The following WDR93 variants were observed in gnomAD, a reference collection of about 807,000 sequenced individuals.
WDR93 encodes WD repeat-containing protein 93.
WDR93 carries 73 observed loss-of-function variants against 82.9 expected under a neutral mutation model. The ratio of observed to expected loss-of-function variants is 0.88; its 90% CI spans 0.73 to 1.07. The LOEUF is 1.07. Ranked by LOEUF, WDR93 falls within the 50% of genes least tolerant of loss-of-function variation. WDR93 has a pLI of 0.00. For synonymous variants in WDR93, 283 were observed against 300.1 expected (o/e 0.94, Z 0.59); for missense variants, 738 against 826.0 (o/e 0.89, Z 1.31).
At chr15:89,702,122 G>C in intron 2 of WDR93, 73 bp downstream of exon 2, 1 of 1,469,540 alleles carries the variant, frequency 6.8e-7, no homozygotes, top group Admixed American at 2.4e-5. Flanking sequence ...CCCTGATCCA[G>C]GAAGGAATTC....
At chr15:89,690,957 C>G (rs1964841428) in intron 1 of WDR93, 100 bp downstream of exon 1, 1 of 236,342 alleles carries the variant, frequency 4.2e-6, no homozygotes, top group African/African-American at 2.3e-5. Flanking sequence ...CTGAGGGGGT[C>G]CGTCTCCCCA....
chr15:89,700,165 C>T (rs536934773), intron 1 of WDR93, among the ~76,000 whole-genome samples: 14 of 152,270 alleles, frequency 9.2e-5, no homozygotes, highest in South Asian at 4.1e-4. Flanking sequence ...ATTTTTCCCA[C>T]GACCGAGGCA....
chr15:89,704,936 T>C (rs1291598817), intron 3 of WDR93: 2 of 152,864 alleles, frequency 1.3e-5, no homozygotes, highest in African/African-American at 4.8e-5. Context: ...CAGATGCCTT[T>C]ACAAGGTTAT....
At chr15:89,738,012 C>T (rs1339771604) in intron 15 of WDR93, 29 bp from the exon 16 acceptor site, 7 of 1,573,790 alleles carry the variant, frequency 4.4e-6, no homozygotes, top group Non-Finnish European at 5.2e-6. Flanking sequence ...GATTGTTACA[C>T]AGAACATGGT....
intron 1 of WDR93, among the ~76,000 whole-genome samples, chr15:89,696,178 T>TC (rs1319164038): frequency 2.6e-5 from 4 of 152,196 alleles, no homozygotes; most frequent in African/African-American, 9.7e-5. Context: ...ACTGATCTGT[T>TC]CCCCATTACT....
chr15:89,712,816 G>T (rs909898674), intron 5 of WDR93, among the ~76,000 whole-genome samples: 2 of 152,046 alleles, frequency 1.3e-5, no homozygotes, highest in Non-Finnish European at 2.9e-5. Context: ...CCACACTCAA[G>T]GGAAAATGAT....
intron 16 of WDR93, among the ~76,000 whole-genome samples, chr15:89,742,417 C>A (rs1010834466): frequency 3.4e-5 from 5 of 148,538 alleles, no homozygotes; most frequent in African/African-American, 7.9e-5. Context: ...CACTGACAGC[C>A]CCCCCTCCAC....
chr15:89,703,559 C>T lies in WDR93; in HGVS notation c.496+417C>T, dbSNP rs1965577747. 3 of 199,552 alleles carry T rather than the reference C, an allele frequency of 1.5e-5. No homozygotes were observed. In the South Asian group the frequency reaches 3.2e-4, roughly 21 times the overall value. The allele number at this position is 199,552 out of a possible 1,614,324, so 12.4% of individuals were successfully genotyped here. ...TCAGCCTGAGGATGAACCAGGCCTCCATGAGGAGTATGGTATCGAAAACTG... is the reference window on the plus strand; with the variant it reads ...TCAGCCTGAGGATGAACCAGGCCTCTATGAGGAGTATGGTATCGAAAACTG... On this transcript the variant is annotated intron_variant, in intron 3 of 16. Coordinates refer to ENST00000268130, the MANE Select transcript of WDR93 (RefSeq NM_020212.2).
At chr15:89,723,952 C>T (rs910550745) in intron 8 of WDR93, among the ~76,000 whole-genome samples, 4 of 152,150 alleles carry the variant, frequency 2.6e-5, no homozygotes, top group African/African-American at 9.7e-5. Flanking sequence ...AATCCCAGCA[C>T]TTTGGGAGGT....
chr15:89,713,302 T>A (rs538712590), intron 5 of WDR93, among the ~76,000 whole-genome samples: 2 of 152,188 alleles, frequency 1.3e-5, no homozygotes, highest in Non-Finnish European at 2.9e-5. Context: ...GCACTCATCA[T>A]TGGATCTTGC....
intron 10 of WDR93, 49 bp downstream of exon 10, chr15:89,729,142 G>A: frequency 6.5e-7 from 1 of 1,542,190 alleles, no homozygotes; most frequent in Non-Finnish European, 9.0e-7. Flanking sequence ...GTCACCTTGG[G>A]GAAACCCCTC....
chr15:89,726,741 TGA>T (rs1178850677), intron 8 of WDR93, among the ~76,000 whole-genome samples: 2 of 152,074 alleles, frequency 1.3e-5, no homozygotes, highest in Non-Finnish European at 2.9e-5. Context: ...CCTAATTATG[TGA>T]GTGTTCAGCA....
At chr15:89,694,090 A>G (rs1965031976) in intron 1 of WDR93, among the ~76,000 whole-genome samples, 1 of 152,186 alleles carries the variant, frequency 6.6e-6, no homozygotes, top group Non-Finnish European at 1.5e-5. Flanking sequence ...AGGCATTTTA[A>G]TATACGTGTA....
chr15:89,730,273 C>G (rs1001891919), intron 11 of WDR93, among the ~76,000 whole-genome samples: 1 of 143,858 alleles, frequency 7.0e-6, no homozygotes, highest in Non-Finnish European at 1.5e-5. Flanking sequence ...TGCAGTGAGC[C>G]AAGATCACAC....
chr15:89,717,378 T>C (rs565049801), intron 7 of WDR93, among the ~76,000 whole-genome samples: 1 of 152,264 alleles, frequency 6.6e-6, no homozygotes, highest in East Asian at 1.9e-4. Context: ...TGATTTTTAC[T>C]TGAAATTTAC....
chr15:89,729,597 C>A, intron 10 of WDR93, 86 bp from the exon 11 acceptor site: 1 of 1,021,368 alleles, frequency 9.8e-7, no homozygotes, highest in Non-Finnish European at 1.5e-6. Context: ...TTCTCTTGGG[C>A]AAACACCTTC....
intron 8 of WDR93, among the ~76,000 whole-genome samples, chr15:89,724,136 C>G (rs575628816): frequency 9.2e-5 from 14 of 151,524 alleles, no homozygotes; most frequent in Non-Finnish European, 1.8e-4. Flanking sequence ...CTCAGGAGTT[C>G]GAGACCATCC....
At chr15:89,740,037 T>C (rs1967530756) in intron 16 of WDR93, among the ~76,000 whole-genome samples, 2 of 152,202 alleles carry the variant, frequency 1.3e-5, no homozygotes, top group Admixed American at 6.5e-5. Flanking sequence ...AAAACACATA[T>C]TGTGCACCTG....
chr15:89,742,039 T>C (rs929131540), intron 16 of WDR93, among the ~76,000 whole-genome samples: 2 of 151,680 alleles, frequency 1.3e-5, no homozygotes, highest in Non-Finnish European at 2.9e-5. Context: ...GCATGAGCCA[T>C]CACACCCGGC....
Sources: allele counts gnomAD v4.1 joint callset (sites outside exome capture counted in the v4.1 genomes callset), GRCh38; gene constraint gnomAD v4.1.1; transcripts MANE v1.5; gene names NCBI Gene and HGNC (gene_info 2026-07-23, HGNC 2026-07-21).